The following RB1 variants were observed in gnomAD, a reference collection of about 807,000 sequenced individuals.
The protein encoded by RB1 is RB transcriptional corepressor 1.
In RB1, 18 loss-of-function variants were observed where a neutral mutation model predicts 135.4. The observed-to-expected ratio is 0.13, with a 90% CI of 0.09 to 0.20. RB1 has a LOEUF of 0.20. Ranked by LOEUF, RB1 falls within the 10% of genes least tolerant of loss-of-function variation. RB1 has a pLI of 1.00. For synonymous variants in RB1, 365 were observed against 373.2 expected (o/e 0.98, Z 0.25); for missense variants, 868 against 1,110.0 (o/e 0.78, Z 3.10).
rs4151432 is a variant in RB1 at position 48,318,888 on chromosome 13, T to C, written c.264+11482T>C. The C allele has an allele frequency of 1.3e-3, 1,488 of 1,138,130 alleles. 17 individuals are homozygous for C. In the African/African-American group the frequency reaches 0.02, roughly 16 times the overall value. The allele number at this position is 1,138,130 out of a possible 1,614,324, so 70.5% of individuals were successfully genotyped here. On this transcript the variant is annotated intron_variant, in intron 2 of 26. Coordinates refer to ENST00000267163, the MANE Select transcript of RB1 (RefSeq NM_000321.3). ...CAAAACGTCTGGATTTCCTGATCGA[T>C]GCTGTCGTCGCTGTCCACGGAGCTA...
At chr13:48,346,839 A>T (rs975727166) in intron 4 of RB1, among the ~76,000 whole-genome samples, 4 of 152,110 alleles carry the variant, frequency 2.6e-5, no homozygotes, top group African/African-American at 7.2e-5. Flanking sequence ...TGAGTAACTT[A>T]CATTTGTAAG....
intron 13 of RB1, 60 bp from the exon 14 acceptor site, chr13:48,379,532 AAT>A: frequency 6.4e-7 from 1 of 1,563,792 alleles, no homozygotes; most frequent in Non-Finnish European, 8.7e-7. Flanking sequence ...AAAAAAAAAA[AAT>A]TTCATAATTG....
chr13:48,417,479 C>T (rs148998479), intron 17 of RB1, among the ~76,000 whole-genome samples: 8,874 of 152,178 alleles, frequency 0.058, 858 homozygotes, highest in African/African-American at 0.2. Context: ...GAAAAACCAG[C>T]GCAAAAAGGC....
chr13:48,453,599 C>A (rs1240823221), intron 18 of RB1, among the ~76,000 whole-genome samples: 2 of 152,102 alleles, frequency 1.3e-5, no homozygotes, highest in African/African-American at 2.4e-5. Flanking sequence ...AAAATGTAAA[C>A]CCAAATGTAT....
At chr13:48,385,630 G>A (rs564433708) in intron 17 of RB1, among the ~76,000 whole-genome samples, 2 of 152,106 alleles carry the variant, frequency 1.3e-5, no homozygotes, top group African/African-American at 2.4e-5. Context: ...GCCAAGAAAG[G>A]GTACCCAGAT....
Position 48,326,592 on chromosome 13 carries a change from T to G in RB1, c.265-16007T>G, listed in dbSNP as rs116358361. 6.5e-3 allele frequency among the ~76,000 whole-genome samples: 992 copies of G among 152,230 alleles called. 14 individuals are homozygous for G. The highest frequency in any genetic ancestry group is 0.023 in the African/African-American group (945 of 41,560). ...AGTATCTTGATATAATTAAATCATA[T>G]AAGAACTAAGAGTTCTATATACATT... On this transcript the variant is annotated intron_variant, in intron 2 of 26. Coordinates refer to ENST00000267163, the MANE Select transcript of RB1 (RefSeq NM_000321.3).
chr13:48,430,389 G>A (rs547920998), intron 17 of RB1, among the ~76,000 whole-genome samples: 1 of 152,148 alleles, frequency 6.6e-6, no homozygotes, highest in South Asian at 2.1e-4. Flanking sequence ...AATAAAAAAT[G>A]ACTCCATTTA....
intron 17 of RB1, among the ~76,000 whole-genome samples, chr13:48,421,951 C>T (rs1949012264): frequency 1.3e-5 from 2 of 152,110 alleles, no homozygotes; most frequent in African/African-American, 2.4e-5. Flanking sequence ...TTGTGGAAGA[C>T]AGTGTGGCGA....
In RB1 at chr13:48,303,864, T is replaced by C; in HGVS notation, c.-49T>C. On this transcript the variant is annotated 5_prime_UTR_variant, in exon 1 of 27. Coordinates refer to ENST00000267163, the MANE Select transcript of RB1 (RefSeq NM_000321.3). ...GCCCCGACGTGCGCGCGCGTCGTCCTCCCCGGCGCTCCTCCACAGCTCGCT... is the reference window on the plus strand; with the variant it reads ...GCCCCGACGTGCGCGCGCGTCGTCCCCCCCGGCGCTCCTCCACAGCTCGCT... The C allele has an allele frequency of 1.3e-6, 2 of 1,500,076 alleles. No individual in the cohort carries two copies. Among genetic ancestry groups the C allele is most frequent in the Non-Finnish European group, 1.8e-6 (2 of 1,131,810 alleles). 92.9% of individuals were successfully genotyped at this position (1,500,076 alleles called of 1,614,324 possible). A position where few individuals can be genotyped will look rare whatever the true frequency, so the allele number is the denominator to read the frequency against.
In RB1 at chr13:48,379,638, C is replaced by T. The variant is rs1948514411; in HGVS notation, c.1377C>T (p.Ser459=). The T allele has an allele frequency of 1.2e-6, 2 of 1,611,818 alleles. No homozygotes were observed. Among genetic ancestry groups the T allele is most frequent in the South Asian group, 2.2e-5 (2 of 90,930 alleles). Residue 459 remains serine, a synonymous_variant, in exon 14 of 27, where the codon TCC becomes TCT. Coordinates refer to ENST00000267163, the MANE Select transcript of RB1 (RefSeq NM_000321.3). ...GCTTGTATTACCGAGTAATGGAATC[C>T]ATGCTTAAATCAGTAAGTTAAAAAC... is the stretch of plus-strand genomic sequence containing the variant. ...GVRLYYRVME[S]MLKSEEERLS...
chr13:48,475,106 C>T (rs974227277), intron 24 of RB1, among the ~76,000 whole-genome samples: 1 of 152,046 alleles, frequency 6.6e-6, no homozygotes, highest in Non-Finnish European at 1.5e-5. Flanking sequence ...CTCCTGGCTT[C>T]CACGATACCC....
chr13:48,420,193 C>T (rs1371014247), intron 17 of RB1, among the ~76,000 whole-genome samples: 1 of 152,170 alleles, frequency 6.6e-6, no homozygotes, highest in African/African-American at 2.4e-5. Context: ...CCACCACAAA[C>T]AAGTCGGCTT....
chr13:48,397,835 A>T (rs1855770869), intron 17 of RB1, among the ~76,000 whole-genome samples: 2 of 152,210 alleles, frequency 1.3e-5, no homozygotes, highest in African/African-American at 4.8e-5. Context: ...GATGGGAAGC[A>T]AACACAAAAG....
intron 17 of RB1, among the ~76,000 whole-genome samples, chr13:48,402,394 A>G (rs973105170): frequency 4.9e-4 from 3 of 6,098 alleles, no homozygotes; most frequent in African/African-American, 3.9e-4. Flanking sequence ...TTTTTTTTTA[A>G]ACAGATGAGT....
At chr13:48,318,407 C>A in intron 2 of RB1, 1 of 1,501,080 alleles carries the variant, frequency 6.7e-7, no homozygotes, top group Non-Finnish European at 9.1e-7. Context: ...TGGCCGTGTC[C>A]AGGTCCTCGT....
chr13:48,386,288 C>T (rs1421185340), intron 17 of RB1, among the ~76,000 whole-genome samples: 1 of 152,058 alleles, frequency 6.6e-6, no homozygotes, highest in East Asian at 1.9e-4. Flanking sequence ...TGTGCTTACA[C>T]AAACCTAGGT....
intron 2 of RB1, chr13:48,317,175 G>GCA (rs1265334870): frequency 4.8e-6 from 3 of 620,568 alleles, no homozygotes; most frequent in Non-Finnish European, 7.3e-6. Context: ...CGGGCCCTGT[G>GCA]GAGGCAGCCC....
Position 48,481,226 on chromosome 13 carries a change from T to C in RB1, c.*1155T>C, listed in dbSNP as rs1949536742. The C allele has an allele frequency of 1.7e-5, 4 of 231,744 alleles. No homozygotes were observed. The highest frequency in any genetic ancestry group is 4.4e-5 in the African/African-American group (2 of 45,244). 14.4% of individuals were successfully genotyped at this position (231,744 alleles called of 1,614,324 possible). On this transcript the variant is annotated 3_prime_UTR_variant, in exon 27 of 27. Coordinates refer to ENST00000267163, the MANE Select transcript of RB1 (RefSeq NM_000321.3). ...TAACACTGGCATGTTCAAAGCCACA[T>C]TATTTCTAGTCCAAAATTACAAGTA... is the stretch of plus-strand genomic sequence containing the variant.
chr13:48,446,635 A>G (rs1949289902), intron 17 of RB1, among the ~76,000 whole-genome samples: 2 of 152,104 alleles, frequency 1.3e-5, no homozygotes, highest in African/African-American at 4.8e-5. Flanking sequence ...ATTTGAGGAG[A>G]TATGTGAATA....
Sources: allele counts gnomAD v4.1 joint callset (sites outside exome capture counted in the v4.1 genomes callset), GRCh38; gene constraint gnomAD v4.1.1; transcripts MANE v1.5; gene names NCBI Gene and HGNC (gene_info 2026-07-23, HGNC 2026-07-21).